Variants in MEMO1 observed in about 807,000 individuals in gnomAD.
MEMO1 encodes the protein protein MEMO1.
MEMO1 carries 6 observed loss-of-function variants against 45.2 expected under a neutral mutation model. The observed-to-expected ratio is 0.13, with a 90% CI of 0.07 to 0.26. The LOEUF is 0.26. MEMO1 is among the 10% of genes least tolerant of loss of function. MEMO1 has a pLI of 1.00. For missense variants in MEMO1, 184 were observed against 370.5 expected (o/e 0.50, Z 4.13); for synonymous variants, 78 against 124.3 (o/e 0.63, Z 2.48).
chr2:31,882,389 A>C (rs1356165236), intron 8 of MEMO1, among the ~76,000 whole-genome samples: 1 of 152,144 alleles, frequency 6.6e-6, no homozygotes. Context: ...CAAAACAAAA[A>C]TGAAATTAGA....
intron 6 of MEMO1, chr2:31,893,307 G>A (rs1259731219): frequency 8.3e-7 from 1 of 1,199,306 alleles, no homozygotes; most frequent in Non-Finnish European, 1.1e-6. Flanking sequence ...GGGGCTTCTT[G>A]GGCAGAATCT....
intron 8 of MEMO1, among the ~76,000 whole-genome samples, chr2:31,870,507 G>C (rs187600594): frequency 6.6e-6 from 1 of 152,214 alleles, no homozygotes; most frequent in East Asian, 1.9e-4. Flanking sequence ...GGAAAAAAAT[G>C]ACACGAACTA....
chr2:31,933,242 C>A lies in MEMO1; in HGVS notation c.144-1107G>T, dbSNP rs181311553. ...GGCTGAGGCAGGAGGATTGCTTAAG[C>A]CAAGTTCTATATTACAGTGAGCTAT... On this transcript the variant is annotated intron_variant, in intron 3 of 9. Coordinates refer to ENST00000404530, the MANE Select transcript of MEMO1 (RefSeq NM_001301833.4). Among the ~76,000 whole-genome samples, 219 of 138,602 alleles carry A rather than the reference C, an allele frequency of 1.6e-3. 2 individuals are homozygous for A. In the Middle Eastern group the frequency reaches 0.027, roughly 17 times the overall value. The allele number at this position is 138,602 out of a possible 152,430, so 90.9% of individuals were successfully genotyped here. A position where few individuals can be genotyped will look rare whatever the true frequency, so the allele number is the denominator to read the frequency against.
chr2:31,976,236 T>C (rs976213039), intron 2 of MEMO1, among the ~76,000 whole-genome samples: 2 of 152,180 alleles, frequency 1.3e-5, no homozygotes, highest in African/African-American at 4.8e-5. Context: ...CTTAAATGCT[T>C]TCTCCATGTA....
At chr2:31,967,342 T>C (rs955047221) in intron 2 of MEMO1, among the ~76,000 whole-genome samples, 12 of 152,136 alleles carry the variant, frequency 7.9e-5, no homozygotes, top group Admixed American at 7.9e-4. Context: ...AGCCAGGATG[T>C]CTCGATCTCC....
In MEMO1 at chr2:31,975,695, G is replaced by A. The variant is rs542987381; in HGVS notation, c.62-32312C>T. Among the ~76,000 whole-genome samples the A allele has an allele frequency of 3.3e-5, 5 of 152,194 alleles. No homozygotes were observed. The South Asian group carries it at 1.0e-3, about 32-fold the overall frequency. ...AATGCTGAAAATGATGTCCAAATAAGCATTAGTGCTAACAAGTCACATTCC... is the reference window on the plus strand; with the variant it reads ...AATGCTGAAAATGATGTCCAAATAAACATTAGTGCTAACAAGTCACATTCC... On this transcript the variant is annotated intron_variant, in intron 2 of 9. Coordinates refer to ENST00000404530, the MANE Select transcript of MEMO1 (RefSeq NM_001301833.4).
intron 2 of MEMO1, among the ~76,000 whole-genome samples, chr2:31,962,815 T>C (rs1668177583): frequency 6.6e-6 from 1 of 152,154 alleles, no homozygotes; most frequent in Non-Finnish European, 1.5e-5. Context: ...GACCAGAGGG[T>C]GCCCAGACAT....
intron 2 of MEMO1, among the ~76,000 whole-genome samples, chr2:32,004,959 C>A (rs1158689046): frequency 6.6e-6 from 1 of 151,288 alleles, no homozygotes; most frequent in South Asian, 2.1e-4. Flanking sequence ...TTTGCATAGA[C>A]CATGATCTAA....
chr2:31,934,580 A>C (rs1664690470), intron 3 of MEMO1, among the ~76,000 whole-genome samples: 1 of 152,198 alleles, frequency 6.6e-6, no homozygotes, highest in African/African-American at 2.4e-5. Context: ...CTAAAGACTA[A>C]AGGAAGAACA....
chr2:31,998,313 T>G (rs1375890129), intron 2 of MEMO1, among the ~76,000 whole-genome samples: 28 of 151,858 alleles, frequency 1.8e-4, no homozygotes, highest in Non-Finnish European at 1.2e-4. Context: ...AAGCCTGGCC[T>G]GAAGTATTTT....
intron 8 of MEMO1, among the ~76,000 whole-genome samples, chr2:31,879,420 T>C (rs1453214057): frequency 1.3e-5 from 2 of 152,318 alleles, no homozygotes; most frequent in Non-Finnish European, 2.9e-5. Context: ...ATACTCTCTC[T>C]GGAGATTGAC....
At chr2:31,897,921 A>C (rs1207676943) in intron 6 of MEMO1, among the ~76,000 whole-genome samples, 3 of 151,858 alleles carry the variant, frequency 2.0e-5, no homozygotes, top group Non-Finnish European at 4.4e-5. Context: ...CAGGGATTTG[A>C]CTTCTTCCTG....
chr2:31,953,942 A>G (rs1057014705), intron 2 of MEMO1, among the ~76,000 whole-genome samples: 14 of 152,202 alleles, frequency 9.2e-5, no homozygotes, highest in Admixed American at 8.5e-4. Context: ...CTCCTCAATG[A>G]TATTTGGTAT....
chr2:31,895,408 T>C (rs530249178), intron 6 of MEMO1, among the ~76,000 whole-genome samples: 1 of 152,146 alleles, frequency 6.6e-6, no homozygotes, highest in South Asian at 2.1e-4. Context: ...AAATAGGGAA[T>C]ATCAACAAAG....
chr2:31,981,943 C>T (rs36048738), intron 2 of MEMO1, among the ~76,000 whole-genome samples: 22,555 of 152,084 alleles, frequency 0.15, 1,909 homozygotes, highest in African/African-American at 0.22. Flanking sequence ...TTTACCAATA[C>T]GTCAGGATAT....
At chr2:31,939,573 TGGAAA>T (rs1483171446) in intron 3 of MEMO1, among the ~76,000 whole-genome samples, 3 of 152,216 alleles carry the variant, frequency 2.0e-5, no homozygotes, top group Non-Finnish European at 2.9e-5. Flanking sequence ...AAGTTTTAAC[TGGAAA>T]GGTAGCATAC....
At chr2:31,922,435 A>T (rs943395293) in intron 4 of MEMO1, among the ~76,000 whole-genome samples, 1 of 151,986 alleles carries the variant, frequency 6.6e-6, no homozygotes, top group Non-Finnish European at 1.5e-5. Context: ...AAACATTAAG[A>T]CTTCATCCAC....
intron 2 of MEMO1, among the ~76,000 whole-genome samples, chr2:31,943,713 G>A (rs531819249): frequency 6.6e-6 from 1 of 152,182 alleles, no homozygotes; most frequent in Non-Finnish European, 1.5e-5. Flanking sequence ...AGTGTATGAA[G>A]AGGAAATAAT....
intron 6 of MEMO1, among the ~76,000 whole-genome samples, chr2:31,917,120 G>A (rs769407330): frequency 3.9e-5 from 6 of 151,980 alleles, no homozygotes; most frequent in Non-Finnish European, 7.4e-5. Context: ...TACTGAGAGC[G>A]TACAGAGCAT....
Sources: allele counts gnomAD v4.1 joint callset (sites outside exome capture counted in the v4.1 genomes callset), GRCh38; gene constraint gnomAD v4.1.1; transcripts MANE v1.5; gene names NCBI Gene and HGNC (gene_info 2026-07-23, HGNC 2026-07-21).